Variants in PROM1 observed in about 807,000 individuals in gnomAD.
The protein encoded by PROM1 is prominin 1.
A neutral mutation model predicts 116.9 loss-of-function variants in PROM1; 105 were observed. The ratio of observed to expected loss-of-function variants is 0.90; its 90% CI spans 0.77 to 1.06. The LOEUF (loss-of-function observed/expected upper bound fraction) is 1.06, where lower values mean the gene tolerates loss of function less well. PROM1 is among the 50% of genes least tolerant of loss of function. The probability of loss-of-function intolerance (pLI) is 0.00; values close to 1 mark genes in which losing one functional copy is unlikely to be tolerated. For missense variants in PROM1, 1,122 were observed against 1,045.2 expected (o/e 1.07, Z -1.01); for synonymous variants, 393 against 387.0 (o/e 1.02, Z -0.18).
At chr4:15,995,780 C>A (rs1441537984) in intron 15 of PROM1, among the ~76,000 whole-genome samples, 2 of 152,168 alleles carry the variant, frequency 1.3e-5, no homozygotes, top group Non-Finnish European at 2.9e-5. Flanking sequence ...CCTCCATTCC[C>A]ACACTGCATA....
chr4:15,977,556 AC>A (rs1219579028), intron 26 of PROM1, among the ~76,000 whole-genome samples: 4 of 152,202 alleles, frequency 2.6e-5, no homozygotes, highest in African/African-American at 9.7e-5. Flanking sequence ...AGCCTTGCAT[AC>A]TGGAAGTATC....
chr4:16,048,483 T>C (rs932953628), intron 2 of PROM1, among the ~76,000 whole-genome samples: 1 of 152,188 alleles, frequency 6.6e-6, no homozygotes, highest in Non-Finnish European at 1.5e-5. Flanking sequence ...GCTTCAGACT[T>C]TTAGAAGCCA....
intron 3 of PROM1, among the ~76,000 whole-genome samples, chr4:16,037,720 C>T (rs1190291909): frequency 6.6e-6 from 1 of 152,142 alleles, no homozygotes; most frequent in African/African-American, 2.4e-5. Context: ...CTGGCCAACA[C>T]ATTTAACTAA....
intron 8 of PROM1, among the ~76,000 whole-genome samples, chr4:16,022,117 G>C (rs1426728196): frequency 6.6e-6 from 1 of 150,518 alleles, no homozygotes. Context: ...GAGGGAAGGA[G>C]GGAAGAAGGG....
At chr4:15,981,919 C>T (rs1044147414) in intron 23 of PROM1, among the ~76,000 whole-genome samples, 1 of 152,220 alleles carries the variant, frequency 6.6e-6, no homozygotes, top group Non-Finnish European at 1.5e-5. Flanking sequence ...CTTATTCCCA[C>T]AAAGCAAGAG....
chr4:16,042,898 G>C (rs1029845570), intron 2 of PROM1, among the ~76,000 whole-genome samples: 1 of 152,144 alleles, frequency 6.6e-6, no homozygotes, highest in African/African-American at 2.4e-5. Context: ...TGAAAATCCA[G>C]CTGACTTGCA....
chr4:16,023,516 A>ATGGGTTTTGCAGC, intron 7 of PROM1, 101 bp from the exon 8 acceptor site: 2 of 914,958 alleles, frequency 2.2e-6, no homozygotes, highest in Non-Finnish European at 3.3e-6. Context: ...CCTGCTGCAA[A>ATGGGTTTTGCAGC]ACCCATTTGC....
chr4:16,038,263 C>G (rs889868901), intron 3 of PROM1, among the ~76,000 whole-genome samples: 1 of 152,134 alleles, frequency 6.6e-6, no homozygotes, highest in Non-Finnish European at 1.5e-5. Context: ...TTTTAACAAA[C>G]GATGTTTTAT....
At chr4:16,019,481 T>G (rs1729263526) in intron 8 of PROM1, among the ~76,000 whole-genome samples, 1 of 152,224 alleles carries the variant, frequency 6.6e-6, no homozygotes. Context: ...TGTTTTCAGT[T>G]CACCATGGGT....
chr4:15,987,668 A>T lies in PROM1; in HGVS notation c.2125T>A (p.Leu709Met). The stretch of plus-strand genomic sequence containing the variant: ...AAAACAAAGTAAACCCTTACCAACA[A>T]TCCATTCCCTGTGCGTTGAAGTATC... ...VKILQRTGNGLLERVTRILAS... is the reference protein window; with the variant it reads ...VKILQRTGNGMLERVTRILAS... Residue 709 changes from leucine (L) to methionine (M), a missense_variant, in exon 20 of 28, where the codon TTG (leucine) becomes ATG (methionine). By Grantham distance (15) the Leu-to-Met change is conservative. Coordinates refer to ENST00000447510, the MANE Select transcript of PROM1 (RefSeq NM_006017.3). 6.2e-7 allele frequency: 1 copy of T among 1,610,890 alleles called. No homozygotes were observed. Among genetic ancestry groups the T allele is most frequent in the Non-Finnish European group, 8.5e-7 (1 of 1,178,656 alleles).
At chr4:16,028,377 AG>A (rs1731845724) in intron 5 of PROM1, among the ~76,000 whole-genome samples, 1 of 152,244 alleles carries the variant, frequency 6.6e-6, no homozygotes, top group South Asian at 2.1e-4. Context: ...AGGTCTCAAA[AG>A]CACCACCATG....
chr4:15,982,373 G>A (rs1197913794), intron 23 of PROM1, among the ~76,000 whole-genome samples: 1 of 152,090 alleles, frequency 6.6e-6, no homozygotes, highest in Non-Finnish European at 1.5e-5. Flanking sequence ...TTCCCTCTAT[G>A]TTCTGTTAGA....
At chr4:16,031,746 A>C (rs1263047015) in intron 5 of PROM1, among the ~76,000 whole-genome samples, 1 of 152,178 alleles carries the variant, frequency 6.6e-6, no homozygotes, top group South Asian at 2.1e-4. Flanking sequence ...TCTCAGGCTA[A>C]CCAACAATGC....
intron 5 of PROM1, among the ~76,000 whole-genome samples, chr4:16,026,980 C>A (rs954832153): frequency 6.6e-6 from 1 of 152,042 alleles, no homozygotes. Context: ...CAGTTTAGAT[C>A]TTTAGGTGTA....
chr4:15,973,915 G>C (rs1715357474), intron 26 of PROM1, among the ~76,000 whole-genome samples: 1 of 152,104 alleles, frequency 6.6e-6, no homozygotes, highest in African/African-American at 2.4e-5. Flanking sequence ...GGCCGATGTG[G>C]GGACTGCGCA....
At position 16,027,656 on chromosome 4, in the gene PROM1, A is replaced by T. The variant is rs187416758; in HGVS notation, c.510-2344T>A. Among the ~76,000 whole-genome samples, 31 of 151,892 alleles carry T rather than the reference A, an allele frequency of 2.0e-4. No individual in the cohort carries two copies. In the Middle Eastern group the frequency reaches 0.01, roughly 50 times the overall value. The stretch of plus-strand genomic sequence containing the variant: ...TCTGATGGGATATGTCTCACTTCAG[A>T]CTCTAATGTGTCTTTATTCTTATCT... On this transcript the variant is annotated intron_variant, in intron 5 of 27. Coordinates refer to ENST00000447510, the MANE Select transcript of PROM1 (RefSeq NM_006017.3).
At position 15,985,790 on chromosome 4, in the gene PROM1, A is replaced by G. The variant is rs906190113; in HGVS notation, c.2250T>C (p.Phe750=). The part of the protein sequence containing the change: ...KKYGRTIIGY[F]EHYLQWIEFS... ...ACTCGATCCACTGCAGATAATGTTC[A>G]AAATATCCTATTATTGTTCTCCCAT... The change falls in exon 22 of 28, where the codon TTT becomes TTC. Residue 750 remains phenylalanine, a synonymous_variant. Coordinates refer to ENST00000447510, the MANE Select transcript of PROM1 (RefSeq NM_006017.3). 5.7e-6 allele frequency: 8 copies of G among 1,407,438 alleles called. No homozygotes were observed. Among genetic ancestry groups the G allele is most frequent in the Non-Finnish European group, 7.6e-6 (8 of 1,050,134 alleles). 87.2% of individuals were successfully genotyped at this position (1,407,438 alleles called of 1,614,324 possible).
chr4:16,035,790 T>C, intron 3 of PROM1, 29 bp from the exon 4 acceptor site: 1 of 1,611,078 alleles, frequency 6.2e-7, no homozygotes, highest in South Asian at 1.1e-5. Context: ...GTGAGGAATT[T>C]TGGCAGAGGC....
intron 2 of PROM1, among the ~76,000 whole-genome samples, chr4:16,040,020 T>A (rs1187112180): frequency 6.6e-6 from 1 of 152,072 alleles, no homozygotes; most frequent in Non-Finnish European, 1.5e-5. Context: ...TGCGGGTGCC[T>A]TCCCGCCACC....
Sources: gnomAD v4.1 joint callset for allele counts (sites outside exome capture counted in the v4.1 genomes callset) on GRCh38, gnomAD v4.1.1 for gene constraint, MANE v1.5 for transcripts, NCBI Gene and HGNC (gene_info 2026-07-23, HGNC 2026-07-21) for gene names.